The following LRRC69 variants were observed in gnomAD, a reference collection of about 807,000 sequenced individuals.
The protein encoded by LRRC69 is leucine rich repeat containing 69.
LRRC69 carries 42 observed loss-of-function variants against 37.8 expected under a neutral mutation model. The ratio of observed to expected loss-of-function variants is 1.11; its 90% CI spans 0.87 to 1.44. LRRC69 has a LOEUF of 1.44. Ranked by LOEUF, LRRC69 falls within the 40% of genes most tolerant of loss-of-function variation. The pLI, the probability that LRRC69 is intolerant of heterozygous loss-of-function variation, is 0.00. For synonymous variants in LRRC69, 141 were observed against 143.1 expected, an observed-to-expected ratio of 0.99 and a Z score of 0.11; for missense variants, 357 against 401.9, an observed-to-expected ratio of 0.89 and a Z score of 0.96.
At chr8:91,108,318 T>G (rs757973211) in intron 1 of LRRC69, among the ~76,000 whole-genome samples, 1 of 152,084 alleles carries the variant, frequency 6.6e-6, no homozygotes, top group Non-Finnish European at 1.5e-5. Context: ...AAACAACTAG[T>G]TATGTGTGTC....
chr8:91,117,328 A>G (rs1813528116), intron 1 of LRRC69, among the ~76,000 whole-genome samples: 1 of 152,004 alleles, frequency 6.6e-6, no homozygotes, highest in Non-Finnish European at 1.5e-5. Flanking sequence ...ATGAGATAGA[A>G]CTGAAAAAGG....
At chr8:91,162,909 A>G (rs1808970248) in intron 5 of LRRC69, among the ~76,000 whole-genome samples, 1 of 151,274 alleles carries the variant, frequency 6.6e-6, no homozygotes, top group Non-Finnish European at 1.5e-5. Context: ...CATGTTGTCA[A>G]ACCTACCCAT....
chr8:91,188,068 T>G (rs750031470), intron 5 of LRRC69, among the ~76,000 whole-genome samples: 4 of 152,150 alleles, frequency 2.6e-5, no homozygotes, highest in Non-Finnish European at 5.9e-5. Flanking sequence ...GAGTACTGAC[T>G]TAGAGCTGCC....
chr8:91,176,134 A>ATATATATATATATATATATTT, intron 5 of LRRC69, among the ~76,000 whole-genome samples: 7 of 75,702 alleles, frequency 9.2e-5, no homozygotes, highest in African/African-American at 4.3e-4. Flanking sequence ...ATATATATAT[A>ATATATATATATATATATATTT]TTTTTTTTTT....
intron 5 of LRRC69, among the ~76,000 whole-genome samples, chr8:91,176,347 A>G (rs1023755082): frequency 4.6e-5 from 7 of 151,606 alleles, no homozygotes; most frequent in African/African-American, 1.7e-4. Flanking sequence ...GGGTTTCACC[A>G]TGTTGGCCAG....
intron 5 of LRRC69, among the ~76,000 whole-genome samples, chr8:91,154,750 A>G (rs1808802812): frequency 6.6e-6 from 1 of 151,798 alleles, no homozygotes; most frequent in African/African-American, 2.4e-5. Context: ...ATTTATGACA[A>G]ACCCACAGCC....
chr8:91,142,748 A>G (rs1259588393), intron 5 of LRRC69, among the ~76,000 whole-genome samples: 1 of 151,964 alleles, frequency 6.6e-6, no homozygotes, highest in Non-Finnish European at 1.5e-5. Context: ...CAGAGGTTGA[A>G]CTTGCACTCA....
chr8:91,119,879 T>C (rs1813586681), intron 1 of LRRC69, among the ~76,000 whole-genome samples: 3 of 151,974 alleles, frequency 2.0e-5, no homozygotes, highest in East Asian at 1.9e-4. Flanking sequence ...CTTTCACTTA[T>C]CTAAGGCCAG....
chr8:91,129,503 A>C (rs1220330221), intron 3 of LRRC69, among the ~76,000 whole-genome samples: 1 of 151,940 alleles, frequency 6.6e-6, no homozygotes, highest in Non-Finnish European at 1.5e-5. Context: ...TGAAAGAACA[A>C]AAAAGTTAAA....
At chr8:91,112,955 A>G (rs1431544063) in intron 1 of LRRC69, among the ~76,000 whole-genome samples, 1 of 152,016 alleles carries the variant, frequency 6.6e-6, no homozygotes, top group African/African-American at 2.4e-5. Flanking sequence ...AAGGGAATTA[A>G]AAAATCAATC....
At chr8:91,111,062 ATTG>A (rs1198250705) in intron 1 of LRRC69, among the ~76,000 whole-genome samples, 1 of 152,100 alleles carries the variant, frequency 6.6e-6, no homozygotes, top group African/African-American at 2.4e-5. Context: ...TATTCCAGAT[ATTG>A]TTCTTTGAAT....
At chr8:91,188,653 G>A (rs1038120081) in intron 5 of LRRC69, among the ~76,000 whole-genome samples, 2 of 152,162 alleles carry the variant, frequency 1.3e-5, no homozygotes, top group Admixed American at 1.3e-4. Flanking sequence ...AGCTACATGG[G>A]TTTTTGGGAG....
chr8:91,172,269 T>C (rs1809147245), intron 5 of LRRC69, among the ~76,000 whole-genome samples: 1 of 151,966 alleles, frequency 6.6e-6, no homozygotes, highest in East Asian at 1.9e-4. Flanking sequence ...CCTTAGGAAA[T>C]ATATCTAGAA....
At chr8:91,118,416 C>G in intron 1 of LRRC69, 3 of 320,222 alleles carry the variant, frequency 9.4e-6, no homozygotes, top group Non-Finnish European at 1.7e-5. Flanking sequence ...TGGCACATAC[C>G]TACTACTTGG....
At chr8:91,119,062 CT>C in intron 1 of LRRC69, among the ~76,000 whole-genome samples, 1 of 152,186 alleles carries the variant, frequency 6.6e-6, no homozygotes, top group East Asian at 1.9e-4. Context: ...GTCTGACTCA[CT>C]TCCCAACATA....
chr8:91,143,113 G>A (rs1808559623), intron 5 of LRRC69, among the ~76,000 whole-genome samples: 1 of 151,918 alleles, frequency 6.6e-6, no homozygotes, highest in African/African-American at 2.4e-5. Flanking sequence ...TATATGCCAC[G>A]GACAAAACTT....
rs1328401554 is a variant in LRRC69, at chr8:91,189,684, C to T, written c.753+61C>T. ...TAAAGCCACAATTTAAATTTTAAAG[C>T]GTTTTCTTTTAAAACATTCTTGCCA... On this transcript the variant is annotated intron_variant, in intron 6 of 7. Transcript: ENST00000448384. The T allele has an allele frequency of 8.4e-6, 10 of 1,186,026 alleles. No homozygotes were observed. The Admixed American group carries it at 1.8e-4, about 21-fold the overall frequency. The allele number at this position is 1,186,026 out of a possible 1,614,324, so 73.5% of individuals were successfully genotyped here. A position where few individuals can be genotyped will look rare whatever the true frequency, so the allele number is the denominator to read the frequency against.
chr8:91,143,907 A>G (rs1285275570), intron 5 of LRRC69, among the ~76,000 whole-genome samples: 1 of 151,984 alleles, frequency 6.6e-6, no homozygotes, highest in Non-Finnish European at 1.5e-5. Context: ...CAATGTACCC[A>G]TTGTGTGACC....
intron 1 of LRRC69, among the ~76,000 whole-genome samples, chr8:91,117,674 T>C (rs566474970): frequency 4.6e-4 from 69 of 150,960 alleles, no homozygotes; most frequent in Non-Finnish European, 8.4e-4. Flanking sequence ...GACAGTTAGC[T>C]TAGGGGTTTT....
Sources: allele counts gnomAD v4.1 joint callset (sites outside exome capture counted in the v4.1 genomes callset), GRCh38; gene constraint gnomAD v4.1.1; transcripts MANE v1.5; gene names NCBI Gene and HGNC (gene_info 2026-07-23, HGNC 2026-07-21).